The following NECAB1 variants were observed in gnomAD, a reference collection of about 807,000 sequenced individuals.
NECAB1 encodes N-terminal EF-hand calcium binding protein 1.
In NECAB1, 29 loss-of-function variants were observed where a neutral mutation model predicts 57.5. The observed-to-expected ratio is 0.50, with a 90% CI of 0.38 to 0.69. NECAB1 has a LOEUF of 0.69. NECAB1 is among the 30% of genes least tolerant of loss of function. The pLI, the probability that NECAB1 is intolerant of heterozygous loss-of-function variation, is 0.00. For missense variants in NECAB1, 372 were observed against 413.8 expected, an observed-to-expected ratio of 0.90 and a Z score of 0.88; for synonymous variants, 142 against 147.7, an observed-to-expected ratio of 0.96 and a Z score of 0.28.
At chr8:90,907,151 T>A (rs5009693) in intron 5 of NECAB1, among the ~76,000 whole-genome samples, 46,297 of 100,852 alleles carry the variant, frequency 0.46, 10,240 homozygotes, top group East Asian at 0.74. Context: ...TGTGTGTGTG[T>A]GAGAGAGAGA....
intron 3 of NECAB1, among the ~76,000 whole-genome samples, chr8:90,825,310 A>G (rs888491260): frequency 6.6e-6 from 1 of 151,886 alleles, no homozygotes; most frequent in African/African-American, 2.4e-5. Flanking sequence ...GAGCCAATGT[A>G]TATGGTGATC....
At chr8:90,848,444 T>G (rs894354397) in intron 3 of NECAB1, among the ~76,000 whole-genome samples, 3 of 152,180 alleles carry the variant, frequency 2.0e-5, no homozygotes, top group Admixed American at 2.0e-4. Flanking sequence ...CACTTCCACA[T>G]TTTTGGGTAT....
chr8:90,826,211 TA>T, intron 3 of NECAB1, among the ~76,000 whole-genome samples: 1 of 151,964 alleles, frequency 6.6e-6, no homozygotes, highest in East Asian at 1.9e-4. Flanking sequence ...TTCTTACTAC[TA>T]AAGTATCAGC....
chr8:90,901,461 C>T (rs1309974582), intron 5 of NECAB1, among the ~76,000 whole-genome samples: 4 of 152,156 alleles, frequency 2.6e-5, no homozygotes, highest in African/African-American at 7.2e-5. Context: ...TTAACACAGA[C>T]CTGGGAACAA....
chr8:90,881,642 GA>G (rs571065187), intron 5 of NECAB1, among the ~76,000 whole-genome samples: 20 of 152,274 alleles, frequency 1.3e-4, no homozygotes, highest in Admixed American at 3.9e-4. Context: ...CTTCCACCAT[GA>G]TTGAAAGCTC....
chr8:90,889,975 GTT>G (rs397764569), intron 5 of NECAB1, among the ~76,000 whole-genome samples: 12 of 151,978 alleles, frequency 7.9e-5, no homozygotes, highest in African/African-American at 1.7e-4. Flanking sequence ...GTGTGTGTGT[GTT>G]TGTGTGTGGT....
chr8:90,891,401 G>C (rs1040794791), intron 5 of NECAB1, among the ~76,000 whole-genome samples: 3 of 151,936 alleles, frequency 2.0e-5, no homozygotes, highest in Admixed American at 6.6e-5. Flanking sequence ...TTGTTTATTT[G>C]TAAGTTTCCT....
intron 12 of NECAB1, among the ~76,000 whole-genome samples, 200 bp from the exon 13 acceptor site, chr8:90,955,286 CA>C (rs911922093): frequency 6.6e-6 from 1 of 150,680 alleles, no homozygotes; most frequent in Non-Finnish European, 1.5e-5. Flanking sequence ...AACAAAGTGC[CA>C]AAAGGTATGG....
chr8:90,821,284 A>G (rs1315629795), intron 2 of NECAB1, among the ~76,000 whole-genome samples: 1 of 151,888 alleles, frequency 6.6e-6, no homozygotes, highest in Non-Finnish European at 1.5e-5. Context: ...GAATGGTGAT[A>G]CCATCCATCT....
chr8:90,915,236 A>G (rs1809923163), intron 5 of NECAB1, among the ~76,000 whole-genome samples: 1 of 152,150 alleles, frequency 6.6e-6, no homozygotes, highest in South Asian at 2.1e-4. Context: ...TAAAATATCC[A>G]TTGGTGATAT....
chr8:90,867,989 G>A (rs1451617008), intron 3 of NECAB1, among the ~76,000 whole-genome samples: 2 of 152,146 alleles, frequency 1.3e-5, no homozygotes, highest in Admixed American at 1.3e-4. Context: ...GGATCATGGG[G>A]GTGGATTTCC....
intron 5 of NECAB1, among the ~76,000 whole-genome samples, chr8:90,901,359 G>T (rs1018216560): frequency 6.6e-6 from 1 of 151,920 alleles, no homozygotes; most frequent in African/African-American, 2.4e-5. Flanking sequence ...TTTCCTTCCA[G>T]CGGTGCCCTC....
At chr8:90,826,444 GA>G (rs1812226107) in intron 3 of NECAB1, among the ~76,000 whole-genome samples, 1 of 151,888 alleles carries the variant, frequency 6.6e-6, no homozygotes, top group African/African-American at 2.4e-5. Flanking sequence ...CGCTACTGGG[GA>G]AGAATGTTTA....
chr8:90,844,319 C>T (rs1812514631), intron 3 of NECAB1, among the ~76,000 whole-genome samples: 1 of 152,126 alleles, frequency 6.6e-6, no homozygotes, highest in Non-Finnish European at 1.5e-5. Context: ...TTCTTCTTAA[C>T]CTCCAGCCCT....
At chr8:90,872,491 C>T (rs923251490) in intron 4 of NECAB1, 6 of 182,706 alleles carry the variant, frequency 3.3e-5, no homozygotes, top group African/African-American at 1.2e-4. Flanking sequence ...ATATATTGTG[C>T]AGAGCCTTTT....
chr8:90,831,563 A>T (rs1312510985), intron 3 of NECAB1, among the ~76,000 whole-genome samples: 1 of 152,138 alleles, frequency 6.6e-6, no homozygotes, highest in Non-Finnish European at 1.5e-5. Context: ...GAAGTCAGGG[A>T]GAATTCTGTT....
chr8:90,822,291 C>T (rs936861804), intron 2 of NECAB1, among the ~76,000 whole-genome samples: 1 of 151,904 alleles, frequency 6.6e-6, no homozygotes, highest in African/African-American at 2.4e-5. Context: ...AATCATACTA[C>T]AAGGGAATAT....
At chr8:90,903,632 G>A (rs1407620628) in intron 5 of NECAB1, among the ~76,000 whole-genome samples, 1 of 152,118 alleles carries the variant, frequency 6.6e-6, no homozygotes, top group African/African-American at 2.4e-5. Context: ...TGAATCCATA[G>A]AAAATACTTA....
chr8:90,894,641 A>G (rs1015744400), intron 5 of NECAB1, among the ~76,000 whole-genome samples: 1 of 152,208 alleles, frequency 6.6e-6, no homozygotes, highest in Non-Finnish European at 1.5e-5. Context: ...TTCTACTTCC[A>G]AGGTCATTCT....
Sources: gnomAD v4.1 joint callset for allele counts (sites outside exome capture counted in the v4.1 genomes callset) on GRCh38, gnomAD v4.1.1 for gene constraint, MANE v1.5 for transcripts, NCBI Gene and HGNC (gene_info 2026-07-23, HGNC 2026-07-21) for gene names.